Variants in ZNF713 observed in about 807,000 individuals in gnomAD.
ZNF713 encodes the protein zinc finger protein 713.
In ZNF713, 21 loss-of-function variants were observed where a neutral mutation model predicts 28.7. The observed-to-expected ratio is 0.73, with a 90% CI of 0.52 to 1.05. The LOEUF (loss-of-function observed/expected upper bound fraction) is 1.05, where lower values mean the gene tolerates loss of function less well. ZNF713 is among the 50% of genes least tolerant of loss of function. The pLI, the probability that ZNF713 is intolerant of heterozygous loss-of-function variation, is 0.00. For missense variants in ZNF713, 458 were observed against 532.4 expected (o/e 0.86, Z 1.37); for synonymous variants, 167 against 178.0 (o/e 0.94, Z 0.49).
At chr7:55,932,833 G>T (rs528856027) in intron 6 of ZNF713, among the ~76,000 whole-genome samples, 1 of 129,334 alleles carries the variant, frequency 7.7e-6, no homozygotes, top group African/African-American at 3.0e-5. Context: ...GCAGTGAGCC[G>T]AGATTGCGCC....
chr7:55,904,914 A>G (rs1785651420), intron 1 of ZNF713, among the ~76,000 whole-genome samples: 1 of 152,024 alleles, frequency 6.6e-6, no homozygotes, highest in African/African-American at 2.4e-5. Flanking sequence ...TTTAGTAGGG[A>G]CGGGGTTTCA....
chr7:55,919,580 A>T (rs1374837561), intron 4 of ZNF713, among the ~76,000 whole-genome samples: 1 of 135,998 alleles, frequency 7.4e-6, no homozygotes, highest in Non-Finnish European at 1.5e-5. Flanking sequence ...ATCCTGGCTC[A>T]CTGCAACCTC....
intron 6 of ZNF713, among the ~76,000 whole-genome samples, chr7:55,938,218 A>C (rs1443533309): frequency 6.6e-6 from 1 of 152,232 alleles, no homozygotes; most frequent in East Asian, 1.9e-4. Flanking sequence ...TCTCAAAAAA[A>C]CAAAAAAAAG....
At chr7:55,890,415 A>T (rs985604577) in intron 1 of ZNF713, among the ~76,000 whole-genome samples, 21 of 147,914 alleles carry the variant, frequency 1.4e-4, no homozygotes, top group African/African-American at 5.3e-4. Context: ...ACGCCATTGC[A>T]CTCCAGTCTG....
At chr7:55,935,680 G>A (rs1276641556) in intron 6 of ZNF713, among the ~76,000 whole-genome samples, 9 of 152,028 alleles carry the variant, frequency 5.9e-5, no homozygotes, top group Non-Finnish European at 8.8e-5. Flanking sequence ...ACGGCCAGGC[G>A]CGGTGGCTCA....
At chr7:55,912,542 G>A in intron 3 of ZNF713, 93 bp from the exon 4 acceptor site, 1 of 863,130 alleles carries the variant, frequency 1.2e-6, no homozygotes, top group African/African-American at 1.7e-5. Flanking sequence ...GGGCTTCTCA[G>A]TACTGTCTGC....
rs187124097 is a variant in ZNF713 at position 55,933,780 on chromosome 7, C to T, written c.308-5202C>T. The stretch of plus-strand genomic sequence containing the variant: ...AGTGCAGTGGCACAATCTCAGCTCA[C>T]GGCAACCTCTGCCTCCCGGGCCCAA... On this transcript the variant is annotated intron_variant, in intron 6 of 6. Coordinates refer to ENST00000429591, the MANE Select transcript of ZNF713 (RefSeq NM_182633.3). Among the ~76,000 whole-genome samples, 53 of 152,288 alleles carry T rather than the reference C, an allele frequency of 3.5e-4. 1 individual carries two copies. In the East Asian group the frequency reaches 9.8e-3, roughly 28 times the overall value.
chr7:55,930,703 T>C (rs1317924477), intron 6 of ZNF713, among the ~76,000 whole-genome samples: 1 of 151,762 alleles, frequency 6.6e-6, no homozygotes, highest in African/African-American at 2.4e-5. Flanking sequence ...GAGGTGGAGG[T>C]TGCAGTAAGC....
intron 4 of ZNF713, among the ~76,000 whole-genome samples, chr7:55,913,143 C>T (rs184349158): frequency 1.3e-5 from 2 of 151,266 alleles, no homozygotes; most frequent in Admixed American, 6.6e-5. Context: ...ATTAATGTTT[C>T]CCAAGCATCT....
At position 55,939,854 on chromosome 7, in the gene ZNF713, G is replaced by T; in HGVS notation, c.1180G>T (p.Gly394Ter). 1 of 1,614,112 alleles carries T rather than the reference G, an allele frequency of 6.2e-7. No individual in the cohort carries two copies. Among genetic ancestry groups the T allele is most frequent in the Non-Finnish European group, 8.5e-7 (1 of 1,179,982 alleles). The change falls in exon 7 of 7, where the codon GGA (glycine) becomes TGA (stop). Residue 394 changes from glycine to a stop codon, truncating the protein, a stop_gained. Transcript: ENST00000429591. LOFTEE classifies it high-confidence loss of function. ...GAATCAACATGAAAGAACTCATACA[G>T]GAGAGAAACCCTATAAATGTAATGA... is the stretch of plus-strand genomic sequence containing the variant. ...HLNQHERTHT[G>*]EKPYKCNECG...
intron 4 of ZNF713, among the ~76,000 whole-genome samples, chr7:55,921,631 G>A (rs961337339): frequency 1.3e-5 from 2 of 152,210 alleles, no homozygotes; most frequent in African/African-American, 4.8e-5. Context: ...AGAATTAGAA[G>A]TGCAGCCTGA....
chr7:55,928,286 AG>A (rs934942287), intron 6 of ZNF713, among the ~76,000 whole-genome samples: 3 of 152,132 alleles, frequency 2.0e-5, no homozygotes, highest in Non-Finnish European at 4.4e-5. Flanking sequence ...AACACTGGAA[AG>A]GGTTTATAGG....
At chr7:55,932,854 G>A (rs565467014) in intron 6 of ZNF713, among the ~76,000 whole-genome samples, 246 of 123,696 alleles carry the variant, frequency 2.0e-3, no homozygotes, top group African/African-American at 7.0e-3. Context: ...ACTGCAGTCC[G>A]CAGTCCGGCC....
intron 1 of ZNF713, among the ~76,000 whole-genome samples, chr7:55,901,838 C>A (rs1010329274): frequency 6.6e-6 from 1 of 152,224 alleles, no homozygotes; most frequent in Non-Finnish European, 1.5e-5. Context: ...ACAGAGCAAA[C>A]CTTTGTATCA....
At chr7:55,935,831 T>G (rs1489413411) in intron 6 of ZNF713, among the ~76,000 whole-genome samples, 2 of 151,746 alleles carry the variant, frequency 1.3e-5, no homozygotes, top group Non-Finnish European at 2.9e-5. Context: ...GGCGGGCACC[T>G]ATAGTCCCAG....
chr7:55,923,393 GAAGAATGCT>G, intron 5 of ZNF713, 105 bp downstream of exon 5: 1 of 1,438,962 alleles, frequency 6.9e-7, no homozygotes, highest in Middle Eastern at 1.8e-4. Context: ...GGCTGGGATA[GAAGAATGCT>G]AATCAGTTTT....
chr7:55,923,295 A>T lies in ZNF713; in HGVS notation c.214+7A>T, dbSNP rs1473464388. The T allele has an allele frequency of 5.6e-6, 9 of 1,600,114 alleles. No homozygotes were observed. Among genetic ancestry groups the T allele is most frequent in the Non-Finnish European group, 7.7e-6 (9 of 1,176,014 alleles). On this transcript the variant is annotated splice_region_variant and intron_variant, in intron 5 of 6. Transcript: ENST00000429591. ...AGGAATCTAGTTGCACTGGGTGAGG[A>T]TGGCATCCCTGTGAAACCGGAAGCC...
chr7:55,939,918 AAC>A lies in ZNF713; in HGVS notation c.1248_1249del (p.His416GlnfsTer11). On this transcript the variant is annotated frameshift_variant, in exon 7 of 7. Coordinates refer to ENST00000429591, the MANE Select transcript of ZNF713 (RefSeq NM_182633.3). LOFTEE classifies it low-confidence loss of function (END_TRUNC). Reference sequence around the variant, plus strand: ...TTTAGCCAGAGTGCACACCTTAATCAACACAGGAAAATCCATACTCGGGAGAA... The same window carrying A: ...TTTAGCCAGAGTGCACACCTTAATCAACAGGAAAATCCATACTCGGGAGAA... The A allele has an allele frequency of 6.2e-7, 1 of 1,613,672 alleles. No individual in the cohort carries two copies. The highest frequency in any genetic ancestry group is 8.5e-7 in the Non-Finnish European group (1 of 1,179,804).
intron 6 of ZNF713, among the ~76,000 whole-genome samples, chr7:55,934,884 C>CT (rs35877447): frequency 0.022 from 2,909 of 131,534 alleles, 34 homozygotes; most frequent in South Asian, 0.047. Flanking sequence ...CTGGCATTGC[C>CT]TTTTTTTTTT....
Sources: allele counts gnomAD v4.1 joint callset (sites outside exome capture counted in the v4.1 genomes callset), GRCh38; gene constraint gnomAD v4.1.1; transcripts MANE v1.5; gene names NCBI Gene and HGNC (gene_info 2026-07-23, HGNC 2026-07-21).